The following CARD9 variants were observed in gnomAD, a reference collection of about 807,000 sequenced individuals.
CARD9 encodes the protein caspase recruitment domain family member 9.
CARD9 carries 53 observed loss-of-function variants against 66.0 expected under a neutral mutation model. The ratio of observed to expected loss-of-function variants is 0.80; its 90% CI spans 0.64 to 1.01. The LOEUF is 1.01. Ranked by LOEUF, CARD9 falls within the 50% of genes least tolerant of loss-of-function variation. The probability of loss-of-function intolerance (pLI) is 0.00; values close to 1 mark genes in which losing one functional copy is unlikely to be tolerated. For missense variants in CARD9, 769 were observed against 743.2 expected (o/e 1.03, Z -0.40); for synonymous variants, 387 against 313.8 (o/e 1.23, Z -2.47).
rs1833324309 is a variant in CARD9 at position 136,373,512 on chromosome 9, A to G, written c.-17+20T>C. Reference sequence around the variant, plus strand: ...GCCAACCTTCCTGGCCACCTTTCAGAAAGCACCAGACCCACCCACCTGAGG... The same window carrying G: ...GCCAACCTTCCTGGCCACCTTTCAGGAAGCACCAGACCCACCCACCTGAGG... On this transcript the variant is annotated intron_variant, in intron 1 of 12. Transcript: ENST00000371732. 12 of 985,646 alleles carry G rather than the reference A, an allele frequency of 1.2e-5. No individual in the cohort carries two copies. Among genetic ancestry groups the G allele is most frequent in the Non-Finnish European group, 1.4e-5 (12 of 830,030 alleles). 61.1% of individuals were successfully genotyped at this position (985,646 alleles called of 1,614,324 possible). A position where few individuals can be genotyped will look rare whatever the true frequency, so the allele number is the denominator to read the frequency against.
chr9:136,367,937 T>C (rs1246059117), intron 7 of CARD9, 109 bp from the exon 8 acceptor site: 1 of 1,455,410 alleles, frequency 6.9e-7, no homozygotes, highest in Admixed American at 2.5e-5. Context: ...GTCAAGCCGC[T>C]GGGCGCGGAG....
Position 136,371,366 on chromosome 9 carries a change from CCTT to C in CARD9, c.277_279del (p.Lys93del). On this transcript the variant is annotated inframe_deletion, in exon 3 of 13. Transcript: ENST00000371732. ...ACGCGGGCCGGCTCCTTGCCTGTGACCTTCTTGTACAGCTGCGGGTAGTAGAGC... is the reference window on the plus strand; with the variant it reads ...ACGCGGGCCGGCTCCTTGCCTGTGACCTTGTACAGCTGCGGGTAGTAGAGC... 6.2e-7 allele frequency: 1 copy of C among 1,601,946 alleles called. No homozygotes were observed. Among genetic ancestry groups the C allele is most frequent in the Non-Finnish European group, 8.5e-7 (1 of 1,174,736 alleles).
chr9:136,371,210 C>T (rs1005092139), intron 3 of CARD9, 65 bp from the exon 4 acceptor site: 86 of 1,596,640 alleles, frequency 5.4e-5, no homozygotes, highest in South Asian at 7.9e-5. Context: ...TCACGCCCTG[C>T]GCTGTGGCAG....
chr9:136,370,201 AC>A, intron 6 of CARD9, 92 bp downstream of exon 6: 2 of 1,533,928 alleles, frequency 1.3e-6, no homozygotes, highest in Non-Finnish European at 1.7e-6. Context: ...TGGGGTCTCC[AC>A]ACCCCACCTT....
chr9:136,372,800 C>G (rs186328018), intron 1 of CARD9, among the ~76,000 whole-genome samples: 3 of 152,246 alleles, frequency 2.0e-5, no homozygotes, highest in African/African-American at 7.2e-5. Context: ...CTGTCACCCC[C>G]TGCCGGCCCC....
chr9:136,370,927 C>G lies in CARD9; in HGVS notation c.541G>C (p.Glu181Gln). 1.2e-6 allele frequency: 2 copies of G among 1,612,448 alleles called. No homozygotes were observed. The highest frequency in any genetic ancestry group is 4.5e-5 in the East Asian group (2 of 44,868). Residue 181 changes from glutamate (E) to glutamine (Q), a missense_variant, in exon 4 of 13, where the codon GAG (glutamate) becomes CAG (glutamine). Glu to Gln is a conservative substitution (Grantham distance 29, BLOSUM62 2). Transcript: ENST00000371732. Reference protein sequence around the residue: ...GSRELKRCKEENYDLAMRLAH... With the variant: ...GSRELKRCKEQNYDLAMRLAH... ...AGGCGCATGGCCAGGTCGTAGTTCT[C>G]CTCCTTGCAGCGCTTGAGCTCGCGG...
rs1021667663 is a variant in CARD9, at chr9:136,366,549, A to C, written c.1357+251T>G. On this transcript the variant is annotated intron_variant, in intron 10 of 12. Coordinates refer to ENST00000371732, the MANE Select transcript of CARD9 (RefSeq NM_052813.5). The stretch of plus-strand genomic sequence containing the variant: ...CCTCTGCAGCCCATGGGGGCTGCCC[A>C]GACCCCCACACTCTCCACCCCAGGG... The C allele has an allele frequency of 1.6e-5, 9 of 569,298 alleles. No homozygotes were observed. The African/African-American group carries it at 1.7e-4, about 11-fold the overall frequency. 35.3% of individuals were successfully genotyped at this position (569,298 alleles called of 1,614,324 possible).
intron 8 of CARD9, 75 bp downstream of exon 8, chr9:136,367,562 G>A (rs1564367532): frequency 3.4e-6 from 5 of 1,479,140 alleles, no homozygotes; most frequent in Non-Finnish European, 3.6e-6. Flanking sequence ...GGAAGGCCGG[G>A]GCTGAGGCTC....
At chr9:136,370,124 G>A in intron 6 of CARD9, 170 bp downstream of exon 6, 1 of 1,423,752 alleles carries the variant, frequency 7.0e-7, no homozygotes, top group Non-Finnish European at 9.3e-7. Flanking sequence ...TGCCATGGGG[G>A]GCAGGCGGGC....
At chr9:136,371,786 C>T (rs903938748) in intron 2 of CARD9, 109 bp downstream of exon 2, 141 of 1,502,156 alleles carry the variant, frequency 9.4e-5, no homozygotes, top group Non-Finnish European at 1.1e-4. Context: ...GGGGCAAAGC[C>T]AGGCGGGGCT....
At position 136,371,151 on chromosome 9, in the gene CARD9, G is replaced by T; in HGVS notation, c.323-6C>A. 2 of 1,611,926 alleles carry T rather than the reference G, an allele frequency of 1.2e-6. No homozygotes were observed. Among genetic ancestry groups the T allele is most frequent in the Non-Finnish European group, 8.5e-7 (1 of 1,179,678 alleles). On this transcript the variant is annotated splice_polypyrimidine_tract_variant and splice_region_variant and intron_variant, in intron 3 of 12. Coordinates refer to ENST00000371732, the MANE Select transcript of CARD9 (RefSeq NM_052813.5). ...GCCTGACTCCCCGGACGCGTCTGTG[G>T]GCCAGGCCAGTGTCAGATGGTGCCG...
intron 10 of CARD9, 150 bp from the exon 11 acceptor site, chr9:136,365,367 T>A: frequency 1.4e-6 from 1 of 707,926 alleles, no homozygotes; most frequent in Non-Finnish European, 2.4e-6. Context: ...CTGCTTTCTG[T>A]AGATGAGACT....
intron 11 of CARD9, 43 bp from the exon 12 acceptor site, chr9:136,364,602 G>T: frequency 6.6e-7 from 1 of 1,524,656 alleles, no homozygotes. Context: ...GCTCCCCTGA[G>T]GGAACCCGTC....
At chr9:136,371,199 A>G (rs1236618790) in intron 3 of CARD9, 54 bp from the exon 4 acceptor site, 1 of 1,602,464 alleles carries the variant, frequency 6.2e-7, no homozygotes, top group Non-Finnish European at 8.5e-7. Context: ...GCCCAGCTCC[A>G]TCACGCCCTG....
rs1815637048 is a variant in CARD9 at position 136,369,804 on chromosome 9, G to T, written c.1023C>A (p.Asp341Glu). Residue 341 changes from aspartate to glutamate, a missense_variant, in exon 7 of 13, where the codon GAC (aspartate) becomes GAA (glutamate). Asp to Glu is a conservative substitution (Grantham distance 45). Transcript: ENST00000371732. ...TCTGCAGCAGGATGGCCTCGATGCGGTCCTTGTACATCTTGGAGTCCTTAC... is the reference window on the plus strand; with the variant it reads ...TCTGCAGCAGGATGGCCTCGATGCGTTCCTTGTACATCTTGGAGTCCTTAC... ...ALRKDSKMYK[D>E]RIEAILLQME... The T allele has an allele frequency of 1.2e-6, 2 of 1,612,640 alleles. No homozygotes were observed. Among genetic ancestry groups the T allele is most frequent in the Non-Finnish European group, 1.7e-6 (2 of 1,179,924 alleles).
In CARD9 at chr9:136,365,111, T is replaced by A. The variant is rs760049752; in HGVS notation, c.1434+30A>T. Reference sequence around the variant, plus strand: ...GATCGGTCACCCTGAGGCCCACGGCTGGGAGGACCCCACCCCGGGGAAGCC... The same window carrying A: ...GATCGGTCACCCTGAGGCCCACGGCAGGGAGGACCCCACCCCGGGGAAGCC... On this transcript the variant is annotated intron_variant, in intron 11 of 12. Transcript: ENST00000371732. 4 of 1,609,098 alleles carry A rather than the reference T, an allele frequency of 2.5e-6. No individual in the cohort carries two copies. The Admixed American group carries it at 6.7e-5, about 27-fold the overall frequency.
At chr9:136,366,561 T>G in intron 10 of CARD9, 2 of 582,866 alleles carry the variant, frequency 3.4e-6, no homozygotes, top group Non-Finnish European at 6.1e-6. Context: ...ACCCCCACAC[T>G]CTCCACCCCA....
At chr9:136,372,236 C>A in intron 1 of CARD9, 142 bp from the exon 2 acceptor site, 2 of 1,185,104 alleles carry the variant, frequency 1.7e-6, no homozygotes, top group Non-Finnish European at 2.4e-6. Flanking sequence ...AGGAGAGGTG[C>A]CCAGCTCCAT....
intron 9 of CARD9, 48 bp downstream of exon 9, chr9:136,367,168 C>T (rs1833143328): frequency 6.3e-7 from 1 of 1,593,178 alleles, no homozygotes; most frequent in Non-Finnish European, 8.6e-7. Context: ...TCAGCCAGGA[C>T]CCCAGGTGAA....
Sources: gnomAD v4.1 joint callset for allele counts (sites outside exome capture counted in the v4.1 genomes callset) on GRCh38, gnomAD v4.1.1 for gene constraint, MANE v1.5 for transcripts, NCBI Gene and HGNC (gene_info 2026-07-23, HGNC 2026-07-21) for gene names.